The following HNF4A variants were observed in gnomAD, a reference collection of about 807,000 sequenced individuals.
HNF4A encodes the protein hepatocyte nuclear factor 4-alpha.
In HNF4A, 15 loss-of-function variants were observed where a neutral mutation model predicts 52.4. That is an observed-to-expected ratio of 0.29 (90% confidence interval 0.19 to 0.44). The LOEUF (loss-of-function observed/expected upper bound fraction) is 0.44, where lower values mean the gene tolerates loss of function less well. HNF4A is among the 20% of genes least tolerant of loss of function. The pLI, the probability that HNF4A is intolerant of heterozygous loss-of-function variation, is 1.00. For missense variants in HNF4A, 479 were observed against 647.2 expected (o/e 0.74, Z 2.82); for synonymous variants, 280 against 264.4 (o/e 1.06, Z -0.57).
At chr20:44,371,046 C>G (rs962856886) in intron 1 of HNF4A, among the ~76,000 whole-genome samples, 3 of 152,172 alleles carry the variant, frequency 2.0e-5, no homozygotes, top group African/African-American at 7.2e-5. Flanking sequence ...AGCAGGCGGC[C>G]CTGCCCTGGG....
intron 3 of HNF4A, among the ~76,000 whole-genome samples, chr20:44,409,214 G>A (rs1279927929): frequency 2.0e-5 from 3 of 152,226 alleles, no homozygotes; most frequent in East Asian, 1.9e-4. Flanking sequence ...AGGGCAAGAG[G>A]GGCTTTTTAA....
intron 3 of HNF4A, among the ~76,000 whole-genome samples, chr20:44,409,018 G>A (rs925285511): frequency 2.6e-5 from 4 of 151,886 alleles, no homozygotes; most frequent in African/African-American, 9.7e-5. Context: ...TCTGCTCCTG[G>A]CCCCCTGTTT....
intron 2 of HNF4A, among the ~76,000 whole-genome samples, chr20:44,407,163 C>T (rs1022946901): frequency 6.6e-6 from 1 of 152,200 alleles, no homozygotes; most frequent in Non-Finnish European, 1.5e-5. Flanking sequence ...CATGTTGCCT[C>T]TCTGAGCCTC....
intron 1 of HNF4A, among the ~76,000 whole-genome samples, chr20:44,363,646 G>A (rs1000886321): frequency 6.6e-6 from 1 of 151,862 alleles, no homozygotes; most frequent in Non-Finnish European, 1.5e-5. Flanking sequence ...TCTGGCCCTG[G>A]CCCTGGGTAG....
At chr20:44,407,124 A>G (rs1413679905) in intron 2 of HNF4A, among the ~76,000 whole-genome samples, 2 of 152,210 alleles carry the variant, frequency 1.3e-5, no homozygotes, top group South Asian at 2.1e-4. Context: ...CTCAGCTCTA[A>G]CACCAACCAG....
chr20:44,389,421 C>G (rs770495083), intron 1 of HNF4A, among the ~76,000 whole-genome samples: 1 of 152,182 alleles, frequency 6.6e-6, no homozygotes, highest in African/African-American at 2.4e-5. Flanking sequence ...AAGCAGGTCC[C>G]ATGCATTATT....
intron 1 of HNF4A, among the ~76,000 whole-genome samples, chr20:44,379,937 C>G (rs970453630): frequency 6.6e-6 from 1 of 151,948 alleles, no homozygotes; most frequent in Non-Finnish European, 1.5e-5. Context: ...TTTCACCATG[C>G]TGGCCAGGCT....
At position 44,390,505 on chromosome 20, in the gene HNF4A, T is replaced by C. The variant is rs1312476352; in HGVS notation, c.50-15553T>C. Reference sequence around the variant, plus strand: ...GCCTCCCACCATCCCTGAAATCTCATTGTGACCAGTATTAAGGGATTAACT... The same window carrying C: ...GCCTCCCACCATCCCTGAAATCTCACTGTGACCAGTATTAAGGGATTAACT... On this transcript the variant is annotated intron_variant, in intron 1 of 9. Transcript: ENST00000316673. 19 of 626,318 alleles carry C rather than the reference T, an allele frequency of 3.0e-5. No homozygotes were observed. The Middle Eastern group carries it at 1.0e-3, about 34-fold the overall frequency. The allele number at this position is 626,318 out of a possible 1,614,324, so 38.8% of individuals were successfully genotyped here. A position where few individuals can be genotyped will look rare whatever the true frequency, so the allele number is the denominator to read the frequency against.
At chr20:44,384,158 CCTTTTTTTT>C (rs2063190659) in intron 1 of HNF4A, among the ~76,000 whole-genome samples, 1 of 104,112 alleles carries the variant, frequency 9.6e-6, no homozygotes, top group African/African-American at 4.3e-5. Flanking sequence ...GCCCCTGGCT[CCTTTTTTTT>C]TTTTTTTTTT....
At chr20:44,409,229 C>T (rs568745397) in intron 3 of HNF4A, among the ~76,000 whole-genome samples, 2 of 152,148 alleles carry the variant, frequency 1.3e-5, no homozygotes, top group African/African-American at 4.8e-5. Context: ...TTTTAAGCTG[C>T]AAATACTCCC....
At chr20:44,404,704 C>CGT (rs779316096) in intron 1 of HNF4A, among the ~76,000 whole-genome samples, 2 of 103,130 alleles carry the variant, frequency 1.9e-5, no homozygotes, top group African/African-American at 7.9e-5. Context: ...GTGTGTGGAG[C>CGT]GTGTGTGTGC....
At chr20:44,390,858 T>A (rs2063294555) in intron 1 of HNF4A, among the ~76,000 whole-genome samples, 1 of 151,976 alleles carries the variant, frequency 6.6e-6, no homozygotes, top group Admixed American at 6.6e-5. Context: ...AGAAGGAGAA[T>A]CCAGACGACC....
At chr20:44,403,878 C>T (rs1389116941) in intron 1 of HNF4A, among the ~76,000 whole-genome samples, 2 of 152,190 alleles carry the variant, frequency 1.3e-5, no homozygotes, top group East Asian at 3.9e-4. Flanking sequence ...CATCCTGCCT[C>T]AGAGGTGGGA....
chr20:44,409,636 C>A (rs767152205), intron 3 of HNF4A, among the ~76,000 whole-genome samples: 1 of 152,124 alleles, frequency 6.6e-6, no homozygotes, highest in African/African-American at 2.4e-5. Flanking sequence ...TTATAAATGT[C>A]TTTTATTAGA....
chr20:44,373,513 G>T (rs1361061019), intron 1 of HNF4A, among the ~76,000 whole-genome samples: 1 of 151,702 alleles, frequency 6.6e-6, no homozygotes, highest in African/African-American at 2.4e-5. Context: ...CTGCATTTTT[G>T]TAATTCCTCT....
Position 44,429,575 on chromosome 20 carries a change from C to T in HNF4A, c.1335C>T (p.Pro445=). The change falls in exon 10 of 10, where the codon CCC becomes CCT. Residue 445 remains proline (P), a synonymous_variant. Coordinates refer to ENST00000316099, the MANE Select transcript of HNF4A (RefSeq NM_000457.6). The stretch of plus-strand genomic sequence containing the variant: ...CGCCAGGTGGCTCAGGGTCTGAGCC[C>T]TATAAGCTCCTGCCGGGAGCCGTCG... The T allele has an allele frequency of 6.2e-7, 1 of 1,614,014 alleles. No homozygotes were observed. The highest frequency in any genetic ancestry group is 8.5e-7 in the Non-Finnish European group (1 of 1,179,962).
intron 1 of HNF4A, among the ~76,000 whole-genome samples, chr20:44,373,806 C>T (rs1040210421): frequency 6.6e-6 from 1 of 152,048 alleles, no homozygotes; most frequent in Non-Finnish European, 1.5e-5. Context: ...TCTCCTGCCT[C>T]AGCCTCCTGA....
intron 3 of HNF4A, among the ~76,000 whole-genome samples, chr20:44,408,682 A>G (rs1309547371): frequency 6.6e-6 from 1 of 152,144 alleles, no homozygotes; most frequent in Non-Finnish European, 1.5e-5. Context: ...AGCTGAGATC[A>G]TGCCACTGCA....
At chr20:44,418,619 T>G (rs1211158154) in intron 6 of HNF4A, 107 bp downstream of exon 6, 1 of 836,850 alleles carries the variant, frequency 1.2e-6, no homozygotes, top group Non-Finnish European at 2.0e-6. Context: ...TGAGGGAGAC[T>G]AGTCAGGAGT....
Sources: gnomAD v4.1 joint callset for allele counts (sites outside exome capture counted in the v4.1 genomes callset) on GRCh38, gnomAD v4.1.1 for gene constraint, MANE v1.5 for transcripts, NCBI Gene and HGNC (gene_info 2026-07-23, HGNC 2026-07-21) for gene names.